VPS13C: variants seen among roughly 807,000 people sequenced by gnomAD.
VPS13C encodes vacuolar protein sorting 13 homolog C.
In VPS13C, 358 loss-of-function variants were observed where a neutral mutation model predicts 456.8. The observed-to-expected ratio is 0.78, with a 90% CI of 0.72 to 0.86. VPS13C has a LOEUF of 0.86. Among genes scored for constraint, VPS13C ranks in the 40% least tolerant of loss-of-function variants. VPS13C has a pLI of 0.00. For synonymous variants in VPS13C, 1,578 were observed against 1,486.7 expected (o/e 1.06, Z -1.41); for missense variants, 4,818 against 4,385.4 (o/e 1.10, Z -2.79).
intron 3 of VPS13C, among the ~76,000 whole-genome samples, chr15:62,039,064 T>C (rs1420103782): frequency 1.3e-5 from 2 of 152,054 alleles, no homozygotes; most frequent in African/African-American, 4.8e-5. Flanking sequence ...GAACTAAAAA[T>C]AAAAACAGCA....
At chr15:61,922,330 T>G in intron 54 of VPS13C, 67 bp downstream of exon 54, 3 of 1,538,708 alleles carry the variant, frequency 1.9e-6, no homozygotes, top group Non-Finnish European at 2.6e-6. Context: ...ACAAGAAAAG[T>G]GTATATCTTA....
rs750910296 is a variant in VPS13C at position 61,909,118 on chromosome 15, C to T, written c.8852G>A (p.Gly2951Asp). The T allele has an allele frequency of 6.2e-7, 1 of 1,605,724 alleles. No homozygotes were observed. The highest frequency in any genetic ancestry group is 8.5e-7 in the Non-Finnish European group (1 of 1,176,962). ...GGCAGTGTTTACATCCACCAAGATA[C>T]CCCCATTCTATTGTAGAAAAAAAAA... ...TLLSLEDLNG[G>D]ILVDVNTAEH... is the part of the protein sequence containing the mutation. Residue 2951 changes from glycine to aspartate, a missense_variant, in exon 65 of 85, where the codon GGT (glycine) becomes GAT (aspartate). Physicochemically the swap from Gly to Asp is moderately conservative, Grantham distance 94. This residue lies in a region of VPS13C where 4,552 missense variants were observed against 4,130.6 expected (regional missense o/e 1.10). Transcript: ENST00000644861.
In VPS13C at chr15:61,922,400, T is replaced by C. The variant is rs144049173; in HGVS notation, c.6972A>G (p.Leu2324=). 12 of 1,611,914 alleles carry C rather than the reference T, an allele frequency of 7.4e-6. No homozygotes were observed. The highest frequency in any genetic ancestry group is 1.3e-5 in the African/African-American group (1 of 74,858). The change falls in exon 54 of 85, where the codon CTA becomes CTG. Residue 2324 remains leucine, a synonymous_variant. Coordinates refer to ENST00000644861, the MANE Select transcript of VPS13C (RefSeq NM_020821.3). ...SLMAAVADVT[L]QVHYYNEIHA... is the part of the protein sequence containing the mutation. ...GTATTAAGTGATGTGGCCATACCTG[T>C]AGTGTCACGTCAGCAACAGCAGCCA... is the stretch of plus-strand genomic sequence containing the variant.
At chr15:61,907,961 C>A (rs1376407295) in intron 65 of VPS13C, among the ~76,000 whole-genome samples, 2 of 151,982 alleles carry the variant, frequency 1.3e-5, no homozygotes, top group African/African-American at 4.8e-5. Flanking sequence ...TATTATGGGT[C>A]ACAGCAACAA....
chr15:61,992,001 C>T, intron 16 of VPS13C, among the ~76,000 whole-genome samples, 199 bp from the exon 17 acceptor site: 1 of 151,798 alleles, frequency 6.6e-6, no homozygotes, highest in Admixed American at 6.6e-5. Flanking sequence ...ACTTCTCACA[C>T]CAACTGATAG....
At position 61,858,296 on chromosome 15, in the gene VPS13C, G is replaced by A. The variant is rs903916030; in HGVS notation, c.10953-1887C>T. Among the ~76,000 whole-genome samples, 6 of 151,664 alleles carry A rather than the reference G, an allele frequency of 4.0e-5. No individual in the cohort carries two copies. Among genetic ancestry groups the A allele is most frequent in the South Asian group, 2.1e-4 (1 of 4,776 alleles). On this transcript the variant is annotated intron_variant, in intron 82 of 84. Transcript: ENST00000644861. This position sits in a 1 kb window ranked among gnomAD's most constrained non-coding sequence, Gnocchi z 4.4. ...AGAATGGTCTCTCAGATCTCAACTC[G>A]AGATTTTTATCCAAACTCCAACTAT... is the stretch of plus-strand genomic sequence containing the variant.
Position 62,020,534 on chromosome 15 carries a change from G to T in VPS13C, c.629C>A (p.Thr210Asn). ...AAATGAAAGAGGCCGCTTTGGATCA[G>T]TGACCTACCAAAGAAGAAAAGATAA... ...DIHIKYEDDV[T>N]DPKRPLSFGV... The change falls in exon 9 of 85, where the codon ACT (threonine) becomes AAT (asparagine). Residue 210 changes from threonine to asparagine, a missense_variant. Coordinates refer to ENST00000644861, the MANE Select transcript of VPS13C (RefSeq NM_020821.3). 1 of 1,611,336 alleles carries T rather than the reference G, an allele frequency of 6.2e-7. No homozygotes were observed. Among genetic ancestry groups the T allele is most frequent in the Non-Finnish European group, 8.5e-7 (1 of 1,178,332 alleles).
At chr15:61,892,596 C>A (rs548719792) in intron 66 of VPS13C, among the ~76,000 whole-genome samples, 61 of 152,184 alleles carry the variant, frequency 4.0e-4, no homozygotes, top group African/African-American at 1.4e-3. Flanking sequence ...AGACGCATGT[C>A]CACAAGAAAC....
intron 55 of VPS13C, among the ~76,000 whole-genome samples, chr15:61,921,391 T>C (rs1289636356): frequency 6.6e-6 from 1 of 151,988 alleles, no homozygotes; most frequent in African/African-American, 2.4e-5. Context: ...AGTATCTAGG[T>C]TTCTGAGGTG....
At chr15:61,874,248 AGTTCTAGCATGCTATAGCACT>A (rs1484350531) in intron 77 of VPS13C, among the ~76,000 whole-genome samples, 1 of 152,040 alleles carries the variant, frequency 6.6e-6, no homozygotes, top group Non-Finnish European at 1.5e-5. Flanking sequence ...TAGGAGAATA[AGTTCTAGCATGCTATAGCACT>A]GTAGGGTGAC....
chr15:61,914,772 G>T (rs2043409635), intron 61 of VPS13C, among the ~76,000 whole-genome samples: 1 of 149,702 alleles, frequency 6.7e-6, no homozygotes. Context: ...GGTTGGCCAG[G>T]CTGGTCTCAA....
chr15:62,013,770 T>A (rs1405138859), intron 10 of VPS13C, among the ~76,000 whole-genome samples, 163 bp downstream of exon 10: 1 of 151,956 alleles, frequency 6.6e-6, no homozygotes, highest in African/African-American at 2.4e-5. Flanking sequence ...TCAGAACTGG[T>A]AAGTGATTAC....
At chr15:61,923,561 C>T (rs2043732687) in intron 53 of VPS13C, among the ~76,000 whole-genome samples, 1 of 152,000 alleles carries the variant, frequency 6.6e-6, no homozygotes, top group Non-Finnish European at 1.5e-5. Context: ...ACTTAATGTG[C>T]AGAGCTCTTT....
In VPS13C at chr15:61,854,566, G is replaced by C; in HGVS notation, c.11161-8C>G. ...AATGGCATTACATGCTCTCTGTAAA[G>C]TAAAATACTTATTATGAATTTTAAA... On this transcript the variant is annotated splice_polypyrimidine_tract_variant and splice_region_variant and intron_variant, in intron 84 of 84. Coordinates refer to ENST00000644861, the MANE Select transcript of VPS13C (RefSeq NM_020821.3). The C allele has an allele frequency of 6.2e-7, 1 of 1,613,026 alleles. No individual in the cohort carries two copies. The highest frequency in any genetic ancestry group is 8.5e-7 in the Non-Finnish European group (1 of 1,179,104).
intron 16 of VPS13C, among the ~76,000 whole-genome samples, chr15:61,993,171 A>G (rs1464242593): frequency 6.6e-6 from 1 of 152,302 alleles, no homozygotes. Context: ...AGATGAATTC[A>G]TGAACAGTTT....
At chr15:61,948,625 G>A (rs1284752134) in intron 42 of VPS13C, among the ~76,000 whole-genome samples, 1 of 151,950 alleles carries the variant, frequency 6.6e-6, no homozygotes, top group Non-Finnish European at 1.5e-5. Flanking sequence ...GGAGGTTGCA[G>A]TGAGCCAAGA....
intron 82 of VPS13C, among the ~76,000 whole-genome samples, chr15:61,861,562 G>A (rs1458290259): frequency 6.6e-6 from 1 of 152,132 alleles, no homozygotes; most frequent in Non-Finnish European, 1.5e-5. Flanking sequence ...TATTTTGGAT[G>A]TGGTGGTGCA....
At position 61,890,377 on chromosome 15, in the gene VPS13C, A is replaced by G. The variant is rs2042612536; in HGVS notation, c.9129T>C (p.Tyr3043=). The change falls in exon 67 of 85, where the codon TAT becomes TAC. Residue 3043 remains tyrosine (Y), a synonymous_variant. Coordinates refer to ENST00000644861, the MANE Select transcript of VPS13C (RefSeq NM_020821.3). ...LLKDGCGQFP[Y]DANIQIHWVS... ...CCCAGTGTATCTGGATGTTTGCATC[A>G]TATGGAAACTGTCCACATCCATCCT... 1.9e-6 allele frequency: 3 copies of G among 1,614,078 alleles called. No homozygotes were observed. The highest frequency in any genetic ancestry group is 2.2e-5 in the East Asian group (1 of 44,870).
At chr15:61,927,451 A>G (rs1596341266) in intron 51 of VPS13C, 131 bp from the exon 52 acceptor site, 1 of 671,128 alleles carries the variant, frequency 1.5e-6, no homozygotes. Flanking sequence ...GACAATATTA[A>G]TTGGTTAATT....
Sources: gnomAD v4.1 joint callset for allele counts (sites outside exome capture counted in the v4.1 genomes callset) on GRCh38, gnomAD v4.1.1 for gene constraint, gnomAD v4.1.1 regional missense constraint, Gnocchi (gnomAD v3.1) non-coding constraint, MANE v1.5 for transcripts, NCBI Gene and HGNC (gene_info 2026-07-23, HGNC 2026-07-21) for gene names.